The following CES5A variants were observed in gnomAD, a reference collection of about 807,000 sequenced individuals.
CES5A encodes carboxylesterase 5.
In CES5A, 67 loss-of-function variants were observed where a neutral mutation model predicts 62.9. The observed-to-expected ratio is 1.07, with a 90% CI of 0.88 to 1.31. The LOEUF (loss-of-function observed/expected upper bound fraction) is 1.31, where lower values mean the gene tolerates loss of function less well. Ranked by LOEUF, CES5A falls within the 50% of genes most tolerant of loss-of-function variation. The pLI is 0.00. For synonymous variants in CES5A, 296 were observed against 280.8 expected (o/e 1.05, Z -0.54); for missense variants, 748 against 708.5 (o/e 1.06, Z -0.63).
chr16:55,899,567 G>A (rs550156492), intron 1 of CES5A, among the ~76,000 whole-genome samples: 11 of 152,344 alleles, frequency 7.2e-5, no homozygotes, highest in Middle Eastern at 3.4e-3. Flanking sequence ...TGGTGCCACA[G>A]AGAGTGGATC....
Position 55,856,865 on chromosome 16 carries a change from G to A in CES5A, c.1057-420C>T, listed in dbSNP as rs76342462. 1.4e-3 allele frequency among the ~76,000 whole-genome samples: 215 copies of A among 152,358 alleles called. 1 individual carries two copies. Among genetic ancestry groups the A allele is most frequent in the African/African-American group, 5.0e-3 (206 of 41,598 alleles). ...AATCCAATCTGGCTGATGTCCTTAT[G>A]AGAAAAGAAAGTTTACACACACAAA... is the stretch of plus-strand genomic sequence containing the variant. On this transcript the variant is annotated intron_variant, in intron 8 of 12. Transcript: ENST00000290567.
chr16:55,938,800 A>G (rs1348965462), intron 2 of CES5A, among the ~76,000 whole-genome samples: 1 of 61,064 alleles, frequency 1.6e-5, no homozygotes, highest in Non-Finnish European at 3.6e-5. Flanking sequence ...ATATATATAC[A>G]CACATATATA....
At chr16:55,853,881 G>C (rs1341111051) in intron 9 of CES5A, among the ~76,000 whole-genome samples, 3 of 152,184 alleles carry the variant, frequency 2.0e-5, no homozygotes, top group Non-Finnish European at 4.4e-5. Context: ...CTACCACTAA[G>C]ACAGCAGCCC....
chr16:55,944,240 G>A (rs1597161161), intron 2 of CES5A: 1 of 619,314 alleles, frequency 1.6e-6, no homozygotes, highest in African/African-American at 1.8e-5. Flanking sequence ...CTCTCCTCCA[G>A]GGACTTTTTG....
At chr16:55,868,869 G>C (rs1471233286) in intron 4 of CES5A, among the ~76,000 whole-genome samples, 5 of 152,198 alleles carry the variant, frequency 3.3e-5, no homozygotes, top group Non-Finnish European at 5.9e-5. Context: ...CCATTTTCCA[G>C]CTGTGAAATG....
chr16:55,923,418 A>T (rs796940767), intron 1 of CES5A, among the ~76,000 whole-genome samples: 3 of 152,022 alleles, frequency 2.0e-5, no homozygotes, highest in African/African-American at 7.2e-5. Flanking sequence ...GAAAACCTAG[A>T]AGAAATGGAT....
chr16:55,916,969 T>G (rs2034153748), intron 1 of CES5A, among the ~76,000 whole-genome samples: 1 of 152,166 alleles, frequency 6.6e-6, no homozygotes. Context: ...TGACACAATT[T>G]TCTCCTGACT....
intron 2 of CES5A, among the ~76,000 whole-genome samples, chr16:55,947,053 G>C (rs900978010): frequency 1.3e-5 from 2 of 152,200 alleles, no homozygotes; most frequent in Non-Finnish European, 2.9e-5. Flanking sequence ...GGCATGGGAA[G>C]GTTAAAATGG....
intron 6 of CES5A, among the ~76,000 whole-genome samples, chr16:55,862,451 T>G (rs1367558024): frequency 1.3e-5 from 2 of 152,192 alleles, no homozygotes; most frequent in Non-Finnish European, 1.5e-5. Flanking sequence ...TAGGATGTGC[T>G]TTCTCCACTG....
At chr16:55,905,907 A>T (rs1597143919) in intron 1 of CES5A, among the ~76,000 whole-genome samples, 2 of 152,298 alleles carry the variant, frequency 1.3e-5, no homozygotes, top group Admixed American at 6.5e-5. Flanking sequence ...TCGCCTAGGA[A>T]ATCTTTGGAC....
intron 1 of CES5A, among the ~76,000 whole-genome samples, chr16:55,888,606 G>A (rs906628859): frequency 6.6e-6 from 1 of 152,136 alleles, no homozygotes; most frequent in Non-Finnish European, 1.5e-5. Flanking sequence ...TAAACTACCT[G>A]AACCTTAGTC....
chr16:55,934,796 C>A (rs2034352795), intron 2 of CES5A, among the ~76,000 whole-genome samples: 1 of 152,164 alleles, frequency 6.6e-6, no homozygotes. Context: ...AGTCAGCAAT[C>A]TGGGGGCCCC....
rs1223508639 is a variant in CES5A, at chr16:55,882,953, T to C, written c.-255-8916A>G. Among the ~76,000 whole-genome samples, 3 of 152,202 alleles carry C rather than the reference T, an allele frequency of 2.0e-5. No homozygotes were observed. The South Asian group carries it at 6.2e-4, about 32-fold the overall frequency. On this transcript the variant is annotated intron_variant, in intron 1 of 12. Transcript: ENST00000518005. ...GACATCCAGGCAGTGAAATGGACTA[T>C]ATTGTGAGAGGCAGCTAACCCTGTA...
chr16:55,853,991 T>C (rs1266821759), intron 9 of CES5A, among the ~76,000 whole-genome samples: 1 of 152,128 alleles, frequency 6.6e-6, no homozygotes, highest in Non-Finnish European at 1.5e-5. Context: ...CTGGTGGTTT[T>C]TAATCAGGCC....
In CES5A at chr16:55,852,899, T is replaced by A; in HGVS notation, c.1255A>T (p.Thr419Ser). ...DVFFVVPALI[T>S]ARYHRDAGAP... is the part of the protein sequence containing the mutation. ...TACTCACCTCTGTGATATCGAGCTG[T>A]GATCAGTGCAGGGACCACAAAGAAC... Residue 419 changes from threonine to serine, a missense_variant, in exon 10 of 13, where the codon ACA (threonine) becomes TCA (serine). Transcript: ENST00000290567. The A allele has an allele frequency of 6.2e-7, 1 of 1,613,710 alleles. No individual in the cohort carries two copies. Among genetic ancestry groups the A allele is most frequent in the Non-Finnish European group, 8.5e-7 (1 of 1,179,892 alleles).
intron 1 of CES5A, among the ~76,000 whole-genome samples, chr16:55,914,712 G>T (rs1162234780): frequency 6.6e-6 from 1 of 152,180 alleles, no homozygotes; most frequent in Non-Finnish European, 1.5e-5. Context: ...GAGCAGGGAG[G>T]AATTGCTGTC....
intron 8 of CES5A, among the ~76,000 whole-genome samples, chr16:55,856,775 AC>A (rs1355925890): frequency 6.6e-6 from 1 of 152,232 alleles, no homozygotes; most frequent in Non-Finnish European, 1.5e-5. Flanking sequence ...TCAGAATGTG[AC>A]TATTTGGAGT....
At chr16:55,955,567 C>T (rs899902188) in intron 1 of CES5A, among the ~76,000 whole-genome samples, 1 of 152,220 alleles carries the variant, frequency 6.6e-6, no homozygotes, top group African/African-American at 2.4e-5. Context: ...TAAATCGCCA[C>T]ATGCCGCATG....
chr16:55,944,135 C>T, intron 2 of CES5A: 1 of 701,852 alleles, frequency 1.4e-6, no homozygotes. Context: ...GACAACCTCT[C>T]TGTATTACTT....
Sources: gnomAD v4.1 joint callset for allele counts (sites outside exome capture counted in the v4.1 genomes callset) on GRCh38, gnomAD v4.1.1 for gene constraint, MANE v1.5 for transcripts, NCBI Gene and HGNC (gene_info 2026-07-23, HGNC 2026-07-21) for gene names.